Variants in SLC4A5 observed in about 807,000 individuals in gnomAD.
SLC4A5 encodes solute carrier family 4 member 5.
Under a neutral mutation model 120.4 loss-of-function variants are expected in SLC4A5, and 96 were observed. That is an observed-to-expected ratio of 0.80 (90% CI 0.68 to 0.94). The LOEUF (loss-of-function observed/expected upper bound fraction) is 0.94, where lower values mean the gene tolerates loss of function less well. SLC4A5 is among the 40% of genes least tolerant of loss of function. The probability of loss-of-function intolerance (pLI) is 0.00; values close to 1 mark genes in which losing one functional copy is unlikely to be tolerated. For missense variants in SLC4A5, 1,259 were observed against 1,459.5 expected, an observed-to-expected ratio of 0.86 and a Z score of 2.24; for synonymous variants, 550 against 571.1, an observed-to-expected ratio of 0.96 and a Z score of 0.53.
In SLC4A5 at chr2:74,292,213, T is replaced by C. The variant is rs368836879; in HGVS notation, c.272-6311A>G. On this transcript the variant is annotated intron_variant, in intron 7 of 30. Transcript: ENST00000394019. ...TACACCAGTCACTCAATAGGTGATA[T>C]TGCTATTATTGTTGATGCCAGCAGG... is the stretch of plus-strand genomic sequence containing the variant. 2.4e-4 allele frequency among the ~76,000 whole-genome samples: 37 copies of C among 152,282 alleles called. No homozygotes were observed. In the East Asian group the frequency reaches 4.2e-3, roughly 17 times the overall value.
At chr2:74,287,803 T>C (rs1348087438) in intron 7 of SLC4A5, among the ~76,000 whole-genome samples, 1 of 152,170 alleles carries the variant, frequency 6.6e-6, no homozygotes, top group Non-Finnish European at 1.5e-5. Flanking sequence ...TTTCTTCACC[T>C]GGATCTTCAA....
At chr2:74,248,401 C>T (rs1234158492) in exon 18 of SLC4A5, 1 of 1,614,212 alleles carries the variant, frequency 6.2e-7, no homozygotes, top group South Asian at 1.1e-5. Flanking sequence ...GGGCCCCGTG[C>T]TGCTGAGAAT....
At chr2:74,298,712 A>C (rs1047443020) in intron 7 of SLC4A5, among the ~76,000 whole-genome samples, 17 of 152,190 alleles carry the variant, frequency 1.1e-4, no homozygotes, top group Admixed American at 1.1e-3. Context: ...TAAGGAACTC[A>C]TACAACTCAA....
intron 8 of SLC4A5, among the ~76,000 whole-genome samples, chr2:74,277,075 T>C (rs576097514): frequency 1.3e-5 from 2 of 152,256 alleles, no homozygotes; most frequent in South Asian, 2.1e-4. Flanking sequence ...TGATGCTCCC[T>C]CCATTTGTAT....
intron 27 of SLC4A5, 63 bp from the exon 28 acceptor site, chr2:74,225,058 A>T: frequency 1.3e-6 from 2 of 1,523,222 alleles, no homozygotes; most frequent in South Asian, 1.2e-5. Flanking sequence ...TCAATGCCCA[A>T]ACTCAGGCAT....
At chr2:74,265,408 T>C in intron 8 of SLC4A5, 144 bp from the exon 9 acceptor site, 2 of 928,840 alleles carry the variant, frequency 2.2e-6, no homozygotes, top group Non-Finnish European at 3.2e-6. Flanking sequence ...GCAGAGGATC[T>C]CTTGGGGATC....
In SLC4A5 at chr2:74,327,755, AC is replaced by A. The variant is rs569706284; in HGVS notation, c.-3+364del. Among the ~76,000 whole-genome samples the A allele has an allele frequency of 6.6e-5, 10 of 152,320 alleles. No individual in the cohort carries two copies. The South Asian group carries it at 2.1e-3, about 32-fold the overall frequency. On this transcript the variant is annotated intron_variant, in intron 5 of 30. Transcript: ENST00000394019. ...TCATAAGTATTTCAGCCAGTCTAACACATTTGACAAAGACAACAGAAATTTA... is the reference window on the plus strand; with the variant it reads ...TCATAAGTATTTCAGCCAGTCTAACAATTTGACAAAGACAACAGAAATTTA...
rs372418202 is a variant in SLC4A5, at chr2:74,259,519, T to G, written c.867+69A>C. The G allele has an allele frequency of 1.5e-5, 23 of 1,529,870 alleles. 1 individual carries two copies. Among genetic ancestry groups the G allele is most frequent in the East Asian group, 1.1e-4 (5 of 44,424 alleles). 94.8% of individuals were successfully genotyped at this position (1,529,870 alleles called of 1,614,324 possible). ...TGGAACTCTGCCCATAGGGGATCCC[T>G]GCTCCTGAAACCAAAGACTTTTTCC... is the stretch of plus-strand genomic sequence containing the variant. On this transcript the variant is annotated intron_variant, in intron 12 of 30. Transcript: ENST00000394019.
chr2:74,272,516 G>C (rs1339036264), intron 8 of SLC4A5, among the ~76,000 whole-genome samples: 10 of 152,164 alleles, frequency 6.6e-5, no homozygotes, highest in Non-Finnish European at 1.5e-5. Flanking sequence ...GGGGAAGCAG[G>C]TCAAGTGGAA....
intron 7 of SLC4A5, among the ~76,000 whole-genome samples, chr2:74,293,306 G>C (rs78008698): frequency 6.6e-6 from 1 of 152,140 alleles, no homozygotes; most frequent in Admixed American, 6.5e-5. Context: ...CTGTGTTCAC[G>C]GGAATCCTTC....
chr2:74,340,660 TCACCATGTTC>T (rs1185084219), intron 2 of SLC4A5, among the ~76,000 whole-genome samples: 1 of 152,152 alleles, frequency 6.6e-6, no homozygotes, highest in African/African-American at 2.4e-5. Context: ...TGTAAAAGAA[TCACCATGTTC>T]CACTGGTGAG....
At chr2:74,289,530 TG>T in intron 7 of SLC4A5, among the ~76,000 whole-genome samples, 1 of 152,292 alleles carries the variant, frequency 6.6e-6, no homozygotes, top group South Asian at 2.1e-4. Context: ...TTGCCCAGGC[TG>T]GTCTCGAACT....
intron 8 of SLC4A5, 115 bp downstream of exon 8, chr2:74,285,657 CT>C (rs1174545553): frequency 2.3e-6 from 3 of 1,289,298 alleles, no homozygotes; most frequent in African/African-American, 1.5e-5. Flanking sequence ...CTGGGAGGGT[CT>C]TTGTGGACCA....
At chr2:74,341,670 A>G (rs1396098568) in intron 2 of SLC4A5, among the ~76,000 whole-genome samples, 3 of 152,244 alleles carry the variant, frequency 2.0e-5, no homozygotes, top group African/African-American at 4.8e-5. Context: ...GCAAGGGATC[A>G]TAAGTCCTGG....
exon 21 of SLC4A5, chr2:74,239,352 G>T: frequency 6.2e-7 from 1 of 1,614,156 alleles, no homozygotes; most frequent in Non-Finnish European, 8.5e-7. Context: ...GGAAAATAGC[G>T]GCTGAATTTG....
At chr2:74,275,031 T>G (rs1345489896) in intron 8 of SLC4A5, among the ~76,000 whole-genome samples, 1 of 152,250 alleles carries the variant, frequency 6.6e-6, no homozygotes, top group Non-Finnish European at 1.5e-5. Flanking sequence ...CTCCCATGGC[T>G]GACTGATTCC....
chr2:74,335,449 C>T (rs1324264661), intron 3 of SLC4A5, among the ~76,000 whole-genome samples: 1 of 152,220 alleles, frequency 6.6e-6, no homozygotes, highest in African/African-American at 2.4e-5. Flanking sequence ...TCCTTCCCCT[C>T]TCCCCAGGCT....
intron 7 of SLC4A5, among the ~76,000 whole-genome samples, chr2:74,298,646 T>C (rs13427341): frequency 0.082 from 12,420 of 152,062 alleles, 1,536 homozygotes; most frequent in African/African-American, 0.27. Context: ...ACCCACAGAA[T>C]GGGAGAAAAG....
intron 2 of SLC4A5, among the ~76,000 whole-genome samples, chr2:74,342,188 A>T (rs1673643791): frequency 1.3e-5 from 2 of 152,246 alleles, no homozygotes; most frequent in South Asian, 2.1e-4. Context: ...ACTGGAGAAC[A>T]CACTCTACTA....
Sources: gnomAD v4.1 joint callset for allele counts (sites outside exome capture counted in the v4.1 genomes callset) on GRCh38, gnomAD v4.1.1 for gene constraint, MANE v1.5 for transcripts, NCBI Gene and HGNC (gene_info 2026-07-23, HGNC 2026-07-21) for gene names.